The following PCDHA7 variants were observed in gnomAD, a reference collection of about 807,000 sequenced individuals.
PCDHA7 encodes the protein protocadherin alpha 7, also known as protocadherin alpha-7.
PCDHA7 carries 37 observed loss-of-function variants against 57.2 expected under a neutral mutation model. The ratio of observed to expected loss-of-function variants is 0.65; its 90% CI spans 0.50 to 0.85. The LOEUF (loss-of-function observed/expected upper bound fraction) is 0.85. Ranked by LOEUF, PCDHA7 falls within the 40% of genes least tolerant of loss-of-function variation. The probability of loss-of-function intolerance (pLI) is 0.00; values close to 1 mark genes in which losing one functional copy is unlikely to be tolerated. For missense variants in PCDHA7, 1,188 were observed against 1,241.8 expected, an observed-to-expected ratio of 0.96 and a Z score of 0.65; for synonymous variants, 553 against 558.8, an observed-to-expected ratio of 0.99 and a Z score of 0.15.
At chr5:140,861,543 C>G (rs1554154929) in intron 1 of PCDHA7, 2 of 424,418 alleles carry the variant, frequency 4.7e-6, no homozygotes, top group East Asian at 7.1e-5. Flanking sequence ...CAGCATCCAC[C>G]TGGAAGTGAT....
chr5:140,866,677 G>A (rs782218499), intron 1 of PCDHA7: 2 of 152,084 alleles, frequency 1.3e-5, no homozygotes, highest in African/African-American at 2.4e-5. Context: ...AATAGCACTA[G>A]GTCTGTTAGA....
At chr5:140,886,916 G>A (rs1170747823) in intron 1 of PCDHA7, among the ~76,000 whole-genome samples, 1 of 151,436 alleles carries the variant, frequency 6.6e-6, no homozygotes, top group Non-Finnish European at 1.5e-5. Flanking sequence ...CTTATTGAGT[G>A]TTCTCTATGT....
intron 1 of PCDHA7, chr5:140,863,295 C>A: frequency 6.8e-7 from 1 of 1,463,648 alleles, no homozygotes; most frequent in South Asian, 1.1e-5. Context: ...TGTACCTGAT[C>A]ATCGCCATCT....
chr5:140,932,101 T>G (rs1281828369), intron 1 of PCDHA7, among the ~76,000 whole-genome samples: 6 of 151,958 alleles, frequency 3.9e-5, no homozygotes, highest in Non-Finnish European at 8.8e-5. Context: ...TTTTTATCTC[T>G]GTATTTCCAA....
intron 1 of PCDHA7, chr5:140,868,981 G>A: frequency 2.0e-6 from 3 of 1,492,274 alleles, no homozygotes; most frequent in South Asian, 2.8e-5. Flanking sequence ...CATCATACCG[G>A]ATGCCACCGT....
chr5:141,000,173 C>T (rs2097895007), intron 3 of PCDHA7, among the ~76,000 whole-genome samples: 1 of 151,968 alleles, frequency 6.6e-6, no homozygotes, highest in Non-Finnish European at 1.5e-5. Flanking sequence ...ATTATTGAGC[C>T]AAGGAGTCAA....
intron 1 of PCDHA7, chr5:140,848,680 G>A: frequency 1.9e-6 from 3 of 1,592,366 alleles, no homozygotes; most frequent in East Asian, 2.2e-5. Context: ...CTGGTGCCGC[G>A]CCTGTTCCAG....
At chr5:140,862,216 T>C in intron 1 of PCDHA7, 1 of 205,622 alleles carries the variant, frequency 4.9e-6, no homozygotes, top group Non-Finnish European at 9.9e-6. Flanking sequence ...TGCACAGACT[T>C]GATAGAAGTC....
intron 3 of PCDHA7, among the ~76,000 whole-genome samples, chr5:140,990,425 T>G (rs1268987059): frequency 6.6e-6 from 1 of 152,214 alleles, no homozygotes; most frequent in Non-Finnish European, 1.5e-5. Context: ...CAACCAGCAT[T>G]GACCCAATCT....
At chr5:140,848,603 G>A (rs144574743) in intron 1 of PCDHA7, 1 of 1,581,062 alleles carries the variant, frequency 6.3e-7, no homozygotes, top group Non-Finnish European at 8.7e-7. Flanking sequence ...ACTCCGTCCC[G>A]GAGGAAGCCG....
chr5:140,875,422 AG>A (rs1554167622), intron 1 of PCDHA7: 1 of 1,524,010 alleles, frequency 6.6e-7, no homozygotes, highest in Non-Finnish European at 8.8e-7. Context: ...ACCTCAGGCA[AG>A]CGATCCCTTA....
At chr5:140,954,427 C>T (rs545024696) in intron 1 of PCDHA7, among the ~76,000 whole-genome samples, 1 of 152,200 alleles carries the variant, frequency 6.6e-6, no homozygotes, top group Admixed American at 6.5e-5. Context: ...CCTTTTTCTC[C>T]ATCTGTTGTT....
At chr5:140,902,473 T>A (rs2069483138) in intron 1 of PCDHA7, among the ~76,000 whole-genome samples, 1 of 152,208 alleles carries the variant, frequency 6.6e-6, no homozygotes, top group African/African-American at 2.4e-5. Context: ...CTTTGAGTTT[T>A]TGCCTGCTCA....
chr5:140,873,318 G>A (rs1164778902), intron 1 of PCDHA7, among the ~76,000 whole-genome samples: 1 of 152,168 alleles, frequency 6.6e-6, no homozygotes, highest in Non-Finnish European at 1.5e-5. Context: ...GTGAATATTA[G>A]ATAGGGCATA....
intron 1 of PCDHA7, among the ~76,000 whole-genome samples, chr5:140,964,203 C>T (rs2095816993): frequency 6.6e-6 from 1 of 152,212 alleles, no homozygotes; most frequent in African/African-American, 2.4e-5. Context: ...TATACCATCT[C>T]TTTAGTACAA....
At chr5:140,895,435 C>T (rs2065005335) in intron 1 of PCDHA7, among the ~76,000 whole-genome samples, 2 of 152,134 alleles carry the variant, frequency 1.3e-5, no homozygotes, top group African/African-American at 4.8e-5. Context: ...CCTCCTGAGA[C>T]TCTTTTCATG....
At chr5:140,870,248 G>T in intron 1 of PCDHA7, 1 of 1,614,190 alleles carries the variant, frequency 6.2e-7, no homozygotes, top group South Asian at 1.1e-5. Context: ...GGTGTCAACG[G>T]ACAGGTGACC....
At chr5:140,893,039 C>A (rs1024548713) in intron 1 of PCDHA7, among the ~76,000 whole-genome samples, 49 of 152,306 alleles carry the variant, frequency 3.2e-4, no homozygotes, top group African/African-American at 1.1e-3. Flanking sequence ...TAACATATGC[C>A]CTCCAGGCTC....
intron 1 of PCDHA7, among the ~76,000 whole-genome samples, chr5:140,884,876 C>A (rs1554181909): frequency 6.6e-6 from 1 of 152,096 alleles, no homozygotes; most frequent in African/African-American, 2.4e-5. Context: ...ATGAAATGTG[C>A]AAAACAAGAA....
Sources: allele counts gnomAD v4.1 joint callset (sites outside exome capture counted in the v4.1 genomes callset), GRCh38; gene constraint gnomAD v4.1.1; transcripts MANE v1.5; gene names NCBI Gene and HGNC (gene_info 2026-07-23, HGNC 2026-07-21).